KCNH1: variants seen among roughly 807,000 people sequenced by gnomAD.
KCNH1 encodes the protein potassium voltage-gated channel subfamily H member 1, also known as voltage-gated delayed rectifier potassium channel KCNH1.
Under a neutral mutation model 69.2 loss-of-function variants are expected in KCNH1, and 27 were observed. The observed-to-expected ratio is 0.39, with a 90% confidence interval of 0.29 to 0.54. KCNH1 has a LOEUF of 0.54. Ranked by LOEUF, KCNH1 falls within the 20% of genes least tolerant of loss-of-function variation. KCNH1 has a pLI of 0.68. For synonymous variants in KCNH1, 456 were observed against 487.7 expected (o/e 0.93, Z 0.86); for missense variants, 798 against 1,261.6 (o/e 0.63, Z 5.57).
At chr1:210,762,575 T>C (rs1683544196) in intron 10 of KCNH1, among the ~76,000 whole-genome samples, 1 of 152,054 alleles carries the variant, frequency 6.6e-6, no homozygotes, top group Non-Finnish European at 1.5e-5. Context: ...TAAAAGATCC[T>C]CAGAGACTAT....
At chr1:210,811,936 C>A (rs1684711671) in intron 7 of KCNH1, among the ~76,000 whole-genome samples, 2 of 152,248 alleles carry the variant, frequency 1.3e-5, no homozygotes, top group South Asian at 4.1e-4. Flanking sequence ...GTATCAGAAT[C>A]ATGTGGAGAG....
At chr1:210,877,732 T>C (rs1044138116) in intron 7 of KCNH1, among the ~76,000 whole-genome samples, 6 of 152,164 alleles carry the variant, frequency 3.9e-5, no homozygotes, top group Admixed American at 2.6e-4. Flanking sequence ...CCCCTAACAC[T>C]GGAAATAAAA....
At chr1:210,735,773 ACATGCATG>A (rs1190800365) in intron 10 of KCNH1, among the ~76,000 whole-genome samples, 4 of 151,452 alleles carry the variant, frequency 2.6e-5, no homozygotes, top group South Asian at 4.2e-4. Context: ...ACACACATGC[ACATGCATG>A]CATGCATGCA....
chr1:211,126,717 G>A (rs1691784090), intron 1 of KCNH1, among the ~76,000 whole-genome samples: 1 of 147,826 alleles, frequency 6.8e-6, no homozygotes, highest in Non-Finnish European at 1.5e-5. Flanking sequence ...GACTGCACTT[G>A]CCTAGAGAAC....
At chr1:210,826,595 A>G (rs540526734) in intron 7 of KCNH1, among the ~76,000 whole-genome samples, 65 of 152,310 alleles carry the variant, frequency 4.3e-4, no homozygotes, top group African/African-American at 1.5e-3. Flanking sequence ...CCTTCTTTTG[A>G]AAGACAGCAC....
At chr1:210,687,827 CCAGCCA>C (rs1397335146) in intron 10 of KCNH1, among the ~76,000 whole-genome samples, 2 of 152,156 alleles carry the variant, frequency 1.3e-5, no homozygotes, top group Non-Finnish European at 2.9e-5. Flanking sequence ...GCCACCAGCA[CCAGCCA>C]CAGCAGCTCT....
At chr1:210,813,416 C>T (rs986166328) in intron 7 of KCNH1, among the ~76,000 whole-genome samples, 2 of 152,104 alleles carry the variant, frequency 1.3e-5, no homozygotes, top group Admixed American at 6.6e-5. Context: ...TTGAACGAAG[C>T]TATTCATGGA....
chr1:211,068,398 T>C (rs1449737285), intron 5 of KCNH1, among the ~76,000 whole-genome samples: 1 of 152,018 alleles, frequency 6.6e-6, no homozygotes, highest in Non-Finnish European at 1.5e-5. Flanking sequence ...AAAATCAACT[T>C]TTTTGTTTTT....
chr1:210,737,802 T>C (rs2149035030), intron 10 of KCNH1, among the ~76,000 whole-genome samples: 1 of 152,350 alleles, frequency 6.6e-6, no homozygotes, highest in South Asian at 2.1e-4. Context: ...CACAACTCCA[T>C]TGCTACCAAC....
intron 6 of KCNH1, among the ~76,000 whole-genome samples, chr1:210,938,172 A>G (rs953820597): frequency 2.0e-5 from 3 of 152,218 alleles, no homozygotes; most frequent in African/African-American, 7.2e-5. Context: ...AGGTATCATC[A>G]TCTTAGTTGG....
At chr1:210,856,498 A>C (rs2102473722) in intron 7 of KCNH1, among the ~76,000 whole-genome samples, 1 of 152,056 alleles carries the variant, frequency 6.6e-6, no homozygotes, top group East Asian at 1.9e-4. Flanking sequence ...ATTAAAGCTA[A>C]AGAACACAAA....
At chr1:210,736,734 G>A (rs1047647016) in intron 10 of KCNH1, among the ~76,000 whole-genome samples, 1 of 152,182 alleles carries the variant, frequency 6.6e-6, no homozygotes, top group Admixed American at 6.5e-5. Flanking sequence ...GAAGACAAGT[G>A]AAGGAAGAGG....
intron 9 of KCNH1, among the ~76,000 whole-genome samples, chr1:210,790,484 C>A (rs747023205): frequency 1.3e-5 from 2 of 152,156 alleles, no homozygotes; most frequent in Non-Finnish European, 2.9e-5. Context: ...GATGCTTTAT[C>A]CACCTTTCCC....
At chr1:210,925,042 A>T (rs1687540261) in intron 6 of KCNH1, among the ~76,000 whole-genome samples, 1 of 152,252 alleles carries the variant, frequency 6.6e-6, no homozygotes, top group South Asian at 2.1e-4. Context: ...AAACTGAAAG[A>T]GGTAACAATT....
At chr1:210,974,788 T>G (rs1243057638) in intron 6 of KCNH1, among the ~76,000 whole-genome samples, 1 of 152,080 alleles carries the variant, frequency 6.6e-6, no homozygotes, top group Non-Finnish European at 1.5e-5. Flanking sequence ...GGTCTTGATC[T>G]CCTGACCTCG....
chr1:211,052,288 G>T (rs1255901577), intron 5 of KCNH1, among the ~76,000 whole-genome samples: 1 of 152,224 alleles, frequency 6.6e-6, no homozygotes, highest in African/African-American at 2.4e-5. Flanking sequence ...GCCATGCACT[G>T]GTTCGGCCAC....
intron 7 of KCNH1, among the ~76,000 whole-genome samples, chr1:210,847,567 A>C (rs1267904352): frequency 1.3e-4 from 15 of 111,744 alleles, no homozygotes; most frequent in African/African-American, 5.1e-4. Flanking sequence ...ACATCACACA[A>C]CGGGGCCTGT....
chr1:210,731,883 A>C (rs1247880044), intron 10 of KCNH1, among the ~76,000 whole-genome samples: 1 of 152,096 alleles, frequency 6.6e-6, no homozygotes, highest in Non-Finnish European at 1.5e-5. Context: ...TACCACCCAC[A>C]CTGAGAAGGA....
chr1:210,942,507 A>G (rs757542653), intron 6 of KCNH1, among the ~76,000 whole-genome samples: 6 of 152,248 alleles, frequency 3.9e-5, no homozygotes, highest in Admixed American at 3.3e-4. Flanking sequence ...GCTAAAAAAG[A>G]AAAGAAAGTC....
Sources: allele counts gnomAD v4.1 joint callset (sites outside exome capture counted in the v4.1 genomes callset), GRCh38; gene constraint gnomAD v4.1.1; transcripts MANE v1.5; gene names NCBI Gene and HGNC (gene_info 2026-07-23, HGNC 2026-07-21).